The following LARP7 variants were observed in gnomAD, a reference collection of about 807,000 sequenced individuals.
The protein encoded by LARP7 is La ribonucleoprotein 7, transcriptional regulator, also known as la-related protein 7.
LARP7 carries 52 observed loss-of-function variants against 69.3 expected under a neutral mutation model. The observed-to-expected ratio is 0.75, with a 90% confidence interval of 0.60 to 0.95. The LOEUF (loss-of-function observed/expected upper bound fraction) is 0.95, where lower values mean the gene tolerates loss of function less well. Among genes scored for constraint, LARP7 ranks in the 40% least tolerant of loss-of-function variants. LARP7 has a pLI of 0.00. For missense variants in LARP7, 733 were observed against 673.0 expected, an observed-to-expected ratio of 1.09 and a Z score of -0.99; for synonymous variants, 254 against 215.9, an observed-to-expected ratio of 1.18 and a Z score of -1.55.
Position 112,647,481 on chromosome 4 carries a change from C to T in LARP7, c.929C>T (p.Ser310Leu). Residue 310 changes from serine to leucine, a missense_variant, in exon 7 of 13, where the codon TCA (serine) becomes TTA (leucine). Coordinates refer to ENST00000344442, the MANE Select transcript of LARP7 (RefSeq NM_016648.4). ...SEDAESLAPR[S>L]KVKKIIQKDI... ...GATGCAGAATCCCTAGCTCCCCGAT[C>T]AAAAGTAAAGAAAATTATTCAGAAA... 1.2e-6 allele frequency: 2 copies of T among 1,613,540 alleles called. No homozygotes were observed.
At chr4:112,639,208 CTTTTTTT>C (rs1160467036) in intron 1 of LARP7, among the ~76,000 whole-genome samples, 2 of 132,382 alleles carry the variant, frequency 1.5e-5, no homozygotes, top group Non-Finnish European at 1.6e-5. Flanking sequence ...TTAAATGTTA[CTTTTTTT>C]TTTTTTTTTT....
At chr4:112,651,097 A>T (rs947559300) in intron 10 of LARP7, among the ~76,000 whole-genome samples, 27 of 152,178 alleles carry the variant, frequency 1.8e-4, no homozygotes, top group African/African-American at 5.8e-4. Flanking sequence ...GAAATTATAT[A>T]CTTTTAGGTG....
rs1213035201 is a variant in LARP7, at chr4:112,647,190, CT to C, written c.647-5del. 2 of 1,589,262 alleles carry C rather than the reference CT, an allele frequency of 1.3e-6. No individual in the cohort carries two copies. Among genetic ancestry groups the C allele is most frequent in the African/African-American group, 2.7e-5 (2 of 72,834 alleles). Reference sequence around the variant, plus strand: ...GTAAGATGAACTAATAATGATGGCACTTTTACAGAAGAGAAGAAAAAGAAAA... The same window carrying C: ...GTAAGATGAACTAATAATGATGGCACTTTACAGAAGAGAAGAAAAAGAAAA... On this transcript the variant is annotated splice_region_variant and splice_polypyrimidine_tract_variant and intron_variant, in intron 6 of 12. Coordinates refer to ENST00000344442, the MANE Select transcript of LARP7 (RefSeq NM_016648.4).
At position 112,647,478 on chromosome 4, in the gene LARP7, G is replaced by A. The variant is rs371035787; in HGVS notation, c.926G>A (p.Arg309Gln). Residue 309 changes from arginine to glutamine, a missense_variant, in exon 7 of 13, where the codon CGA becomes CAA. By Grantham distance (43) the Arg-to-Gln change is conservative. Transcript: ENST00000344442. ...GAAGATGCAGAATCCCTAGCTCCCCGATCAAAAGTAAAGAAAATTATTCAG... is the reference window on the plus strand; with the variant it reads ...GAAGATGCAGAATCCCTAGCTCCCCAATCAAAAGTAAAGAAAATTATTCAG... ...SSEDAESLAPRSKVKKIIQKD... is the reference protein window; with the variant it reads ...SSEDAESLAPQSKVKKIIQKD... 68 of 1,613,460 alleles carry A rather than the reference G, an allele frequency of 4.2e-5. No individual in the cohort carries two copies. The highest frequency in any genetic ancestry group is 8.3e-5 in the Admixed American group (5 of 59,926).
At chr4:112,645,594 C>T (rs1299218999) in intron 2 of LARP7, 1 of 455,704 alleles carries the variant, frequency 2.2e-6, no homozygotes, top group Admixed American at 2.4e-5. Flanking sequence ...CAACTTCTGC[C>T]CCCACCTCCA....
chr4:112,657,158 C>T, intron 12 of LARP7, 89 bp from the exon 13 acceptor site: 1 of 535,202 alleles, frequency 1.9e-6, no homozygotes, highest in Non-Finnish European at 2.8e-6. Context: ...GAAATTTTTT[C>T]TAGTCATAGT....
chr4:112,654,177 G>GT lies in LARP7; in HGVS notation c.1668+25dup, dbSNP rs1291799062. On this transcript the variant is annotated intron_variant, in intron 12 of 12. Transcript: ENST00000344442. ...CTGAAAAGGTAATTGATTCATTTTT[G>GT]TTTTTTTAGACTAAACTTTCCTTGA... 2.1e-5 allele frequency: 33 copies of GT among 1,581,042 alleles called. No individual in the cohort carries two copies. The highest frequency in any genetic ancestry group is 2.7e-5 in the African/African-American group (2 of 74,146).
rs1352102849 is a variant in LARP7 at position 112,653,146 on chromosome 4, A to C, written c.1486A>C (p.Arg496=). 3 of 1,611,274 alleles carry C rather than the reference A, an allele frequency of 1.9e-6. No homozygotes were observed. The African/African-American group carries it at 4.0e-5, about 22-fold the overall frequency. ...AGAAGGGGATACAGAATGCCATGCT[A>C]GATTTAAAACTCCTGAGGATGCTCA... ...LLEGDTECHA[R]FKTPEDAQAV... The change falls in exon 11 of 13, where the codon AGA becomes CGA. Residue 496 remains arginine, a synonymous_variant. Coordinates refer to ENST00000344442, the MANE Select transcript of LARP7 (RefSeq NM_016648.4).
At position 112,650,575 on chromosome 4, in the gene LARP7, A is replaced by G. The variant is rs1322495199; in HGVS notation, c.1409A>G (p.Gln470Arg). 2 of 1,612,972 alleles carry G rather than the reference A, an allele frequency of 1.2e-6. No homozygotes were observed. Among genetic ancestry groups the G allele is most frequent in the Non-Finnish European group, 1.7e-6 (2 of 1,179,402 alleles). The change falls in exon 10 of 13, where the codon CAA (glutamine) becomes CGA (arginine). Residue 470 changes from glutamine to arginine, a missense_variant. Gln to Arg is a conservative substitution (Grantham distance 43). Coordinates refer to ENST00000344442, the MANE Select transcript of LARP7 (RefSeq NM_016648.4). ...ISTEPLPGRK[Q>R]VRDTLAAISE... ...ACAGAGCCTCTACCTGGCAGGAAAC[A>G]AGTCCGGGTAATGATTTTGAGCCCC...
intron 8 of LARP7, 32 bp from the exon 9 acceptor site, chr4:112,649,503 G>T: frequency 6.6e-7 from 1 of 1,521,782 alleles, no homozygotes; most frequent in Non-Finnish European, 8.8e-7. Flanking sequence ...TTTATATTTA[G>T]TCATCTGTTA....
intron 10 of LARP7, 42 bp from the exon 11 acceptor site, chr4:112,653,035 C>A: frequency 6.7e-7 from 1 of 1,484,914 alleles, no homozygotes; most frequent in Non-Finnish European, 9.0e-7. Flanking sequence ...TATTGTGAAA[C>A]TTTTTAAATT....
At chr4:112,645,572 G>T (rs970175026) in intron 2 of LARP7, 2 of 455,966 alleles carry the variant, frequency 4.4e-6, no homozygotes, top group African/African-American at 4.0e-5. Context: ...CTGGCTCCAT[G>T]TCTGCTCACT....
In LARP7 at chr4:112,647,676, T is replaced by C; in HGVS notation, c.998-14T>C. 6.6e-7 allele frequency: 1 copy of C among 1,508,652 alleles called. No individual in the cohort carries two copies. Among genetic ancestry groups the C allele is most frequent in the South Asian group, 1.4e-5 (1 of 69,840 alleles). 93.5% of individuals were successfully genotyped at this position (1,508,652 alleles called of 1,614,324 possible). On this transcript the variant is annotated splice_polypyrimidine_tract_variant and intron_variant, in intron 7 of 12. Transcript: ENST00000344442. Reference sequence around the variant, plus strand: ...CCCCATGTCTTAACGGAGAGCTTTTTTATTTATTTCAAGATATAGAAATCT... The same window carrying C: ...CCCCATGTCTTAACGGAGAGCTTTTCTATTTATTTCAAGATATAGAAATCT...
intron 8 of LARP7, 21 bp from the exon 9 acceptor site, chr4:112,649,514 T>C (rs371430120): frequency 1.9e-6 from 3 of 1,571,568 alleles, no homozygotes; most frequent in Admixed American, 1.9e-5. Context: ...TCATCTGTTA[T>C]CACCATTTCT....
At position 112,639,630 on chromosome 4, in the gene LARP7, C is replaced by T. The variant is rs146633454; in HGVS notation, c.-3+2391C>T. 5.3e-5 allele frequency among the ~76,000 whole-genome samples: 8 copies of T among 152,042 alleles called. No individual in the cohort carries two copies. In the East Asian group the frequency reaches 1.2e-3, roughly 22 times the overall value. ...CTAATGTTGCAAGTTTTGACAGAAGCATCACAAAACCAGGTCTGTGTTTTA... is the reference window on the plus strand; with the variant it reads ...CTAATGTTGCAAGTTTTGACAGAAGTATCACAAAACCAGGTCTGTGTTTTA... On this transcript the variant is annotated intron_variant, in intron 1 of 12. Transcript: ENST00000344442.
At chr4:112,642,997 T>G (rs1175973471) in intron 1 of LARP7, among the ~76,000 whole-genome samples, 1 of 152,228 alleles carries the variant, frequency 6.6e-6, no homozygotes. Context: ...CCAGGCCTGA[T>G]ATTAATCCTT....
chr4:112,656,527 C>A (rs1401490009), intron 12 of LARP7, among the ~76,000 whole-genome samples: 1 of 152,182 alleles, frequency 6.6e-6, no homozygotes, highest in African/African-American at 2.4e-5. Context: ...TAGCCTAAAT[C>A]TTTGTAGTAT....
Position 112,646,208 on chromosome 4 carries a change from C to T in LARP7, c.203-143C>T. 6.5e-6 allele frequency: 3 copies of T among 458,818 alleles called. No homozygotes were observed. The South Asian group carries it at 8.7e-5, about 13-fold the overall frequency. 28.4% of individuals were successfully genotyped at this position (458,818 alleles called of 1,614,324 possible). A position where few individuals can be genotyped will look rare whatever the true frequency, so the allele number is the denominator to read the frequency against. On this transcript the variant is annotated intron_variant, in intron 2 of 12. Coordinates refer to ENST00000344442, the MANE Select transcript of LARP7 (RefSeq NM_016648.4). ...TGGCCAGGCTGGTCTTGAACTCCCC[C>T]ATCCACCCGCCTTGGCCTCCCAAAG...
intron 9 of LARP7, 41 bp from the exon 10 acceptor site, chr4:112,650,420 T>G (rs915014947): frequency 6.2e-7 from 1 of 1,606,386 alleles, no homozygotes; most frequent in Non-Finnish European, 8.5e-7. Context: ...TGTTGTTAAG[T>G]GTAAGAGATT....
Sources: gnomAD v4.1 joint callset for allele counts (sites outside exome capture counted in the v4.1 genomes callset) on GRCh38, gnomAD v4.1.1 for gene constraint, MANE v1.5 for transcripts, NCBI Gene and HGNC (gene_info 2026-07-23, HGNC 2026-07-21) for gene names.